PDSS2: variants seen among roughly 807,000 people sequenced by gnomAD.
PDSS2 encodes the protein decaprenyl diphosphate synthase subunit 2, also known as all trans-polyprenyl-diphosphate synthase PDSS2.
PDSS2 carries 31 observed loss-of-function variants against 44.5 expected under a neutral mutation model. The observed-to-expected ratio is 0.70, with a 90% CI of 0.52 to 0.94. The LOEUF (loss-of-function observed/expected upper bound fraction) is 0.94, where lower values mean the gene tolerates loss of function less well. PDSS2 is among the 40% of genes least tolerant of loss of function. The pLI, the probability that PDSS2 is intolerant of heterozygous loss-of-function variation, is 0.00. For synonymous variants in PDSS2, 157 were observed against 180.3 expected (o/e 0.87, Z 1.03); for missense variants, 452 against 482.2 (o/e 0.94, Z 0.59).
At chr6:107,387,503 TAAAG>T (rs1779647436) in intron 1 of PDSS2, among the ~76,000 whole-genome samples, 1 of 152,184 alleles carries the variant, frequency 6.6e-6, no homozygotes, top group East Asian at 1.9e-4. Flanking sequence ...AGAAAAATTT[TAAAG>T]AAAGAAAAGC....
At chr6:107,235,131 C>T (rs1319357622) in intron 4 of PDSS2, among the ~76,000 whole-genome samples, 1 of 152,116 alleles carries the variant, frequency 6.6e-6, no homozygotes, top group African/African-American at 2.4e-5. Flanking sequence ...AGGAAACTAC[C>T]TTTGAGTTGA....
intron 1 of PDSS2, among the ~76,000 whole-genome samples, chr6:107,352,336 T>C (rs1778457621): frequency 6.6e-6 from 1 of 152,222 alleles, no homozygotes; most frequent in African/African-American, 2.4e-5. Context: ...GTTTGGCATT[T>C]ATGGATGAAT....
intron 1 of PDSS2, among the ~76,000 whole-genome samples, chr6:107,433,314 G>A (rs1026703274): frequency 3.3e-5 from 5 of 149,600 alleles, no homozygotes; most frequent in African/African-American, 4.9e-5. Flanking sequence ...AATAGCCAAG[G>A]CCATCCTGAC....
intron 1 of PDSS2, among the ~76,000 whole-genome samples, chr6:107,406,927 A>T (rs1780338861): frequency 6.6e-6 from 1 of 152,186 alleles, no homozygotes; most frequent in Admixed American, 6.5e-5. Context: ...TCTCCAGGGG[A>T]GATTAGAAAG....
At chr6:107,190,639 T>C (rs1218803993) in intron 7 of PDSS2, among the ~76,000 whole-genome samples, 5 of 152,164 alleles carry the variant, frequency 3.3e-5, no homozygotes, top group African/African-American at 1.2e-4. Flanking sequence ...GAGGATTTGC[T>C]ATAGGAGACA....
intron 3 of PDSS2, among the ~76,000 whole-genome samples, chr6:107,261,580 T>TTC (rs1554259941): frequency 0.044 from 5,623 of 128,530 alleles, 140 homozygotes; most frequent in Middle Eastern, 0.15. Context: ...TTTTCTTTCT[T>TTC]TTTTTTTTTT....
intron 6 of PDSS2, among the ~76,000 whole-genome samples, chr6:107,201,389 G>GAAAAAAAAAAAAAAAAAAAAAAAAAAAAA (rs1772766274): frequency 5.8e-5 from 1 of 17,184 alleles, no homozygotes; most frequent in Non-Finnish European, 1.3e-4. Context: ...CCATACAAAA[G>GAAAAAAAAAAAAAAAAAAAAAAAAAAAAA]CAAAAAAAAA....
At chr6:107,346,361 C>T (rs1312283929) in intron 1 of PDSS2, among the ~76,000 whole-genome samples, 1 of 152,160 alleles carries the variant, frequency 6.6e-6, no homozygotes, top group Non-Finnish European at 1.5e-5. Flanking sequence ...TGACAACTGT[C>T]CGTGAGGTGG....
chr6:107,297,567 A>C (rs1300885019), intron 2 of PDSS2, among the ~76,000 whole-genome samples: 1 of 151,428 alleles, frequency 6.6e-6, no homozygotes, highest in African/African-American at 2.4e-5. Flanking sequence ...ATTTTAGTAG[A>C]GACTGGGTTT....
chr6:107,273,982 T>C (rs770608416), intron 3 of PDSS2, 47 bp downstream of exon 3: 6 of 1,494,950 alleles, frequency 4.0e-6, no homozygotes, highest in East Asian at 4.5e-5. Context: ...GCCAACTAAT[T>C]GCTACCTGAA....
rs538523896 is a variant in PDSS2 at position 107,164,629 on chromosome 6, G to A, written c.1042-9852C>T. 3.3e-4 allele frequency among the ~76,000 whole-genome samples: 50 copies of A among 152,260 alleles called. No homozygotes were observed. The South Asian group carries it at 9.7e-3, about 30-fold the overall frequency. On this transcript the variant is annotated intron_variant, in intron 7 of 7. Coordinates refer to ENST00000369037, the MANE Select transcript of PDSS2 (RefSeq NM_020381.4). ...GTGAATAGTGCCGCAATAAACATAC[G>A]TGTGCATGTGTCTTTATAGCAGCAT... is the stretch of plus-strand genomic sequence containing the variant.
chr6:107,399,971 G>GA (rs2114581642), intron 1 of PDSS2, among the ~76,000 whole-genome samples: 1 of 152,212 alleles, frequency 6.6e-6, no homozygotes, highest in South Asian at 2.1e-4. Flanking sequence ...ACACAAAAGT[G>GA]AAAGAAACTT....
At chr6:107,267,968 T>G (rs917018495) in intron 3 of PDSS2, among the ~76,000 whole-genome samples, 1 of 152,140 alleles carries the variant, frequency 6.6e-6, no homozygotes, top group African/African-American at 2.4e-5. Context: ...GAATATAAAT[T>G]AGATATTAAA....
chr6:107,442,651 G>A (rs1030724822), intron 1 of PDSS2, among the ~76,000 whole-genome samples: 22 of 151,940 alleles, frequency 1.4e-4, no homozygotes, highest in African/African-American at 5.1e-4. Context: ...AATACTTCAC[G>A]TTCAACAGGT....
intron 1 of PDSS2, among the ~76,000 whole-genome samples, chr6:107,456,041 G>A (rs966817649): frequency 5.3e-5 from 8 of 152,140 alleles, no homozygotes; most frequent in African/African-American, 1.9e-4. Flanking sequence ...ATGACTGTGA[G>A]GCCCGGCGTG....
intron 7 of PDSS2, among the ~76,000 whole-genome samples, chr6:107,178,767 T>C (rs1443394010): frequency 6.6e-6 from 1 of 152,174 alleles, no homozygotes; most frequent in Admixed American, 6.6e-5. Flanking sequence ...ACATCTGTAA[T>C]CCCAGCACTT....
At chr6:107,326,018 C>T (rs1777532345) in intron 2 of PDSS2, among the ~76,000 whole-genome samples, 1 of 152,082 alleles carries the variant, frequency 6.6e-6, no homozygotes, top group African/African-American at 2.4e-5. Flanking sequence ...ATCAAATAGT[C>T]ATTGCTATCT....
intron 3 of PDSS2, among the ~76,000 whole-genome samples, chr6:107,255,335 G>GCTACCAAGTA (rs1774975666): frequency 6.6e-6 from 1 of 151,480 alleles, no homozygotes; most frequent in Non-Finnish European, 1.5e-5. Flanking sequence ...TGGGATTACA[G>GCTACCAAGTA]GCGTCTGCTA....
chr6:107,200,426 G>A (rs899875518), intron 6 of PDSS2, among the ~76,000 whole-genome samples: 1 of 152,172 alleles, frequency 6.6e-6, no homozygotes, highest in Non-Finnish European at 1.5e-5. Context: ...TGGGTAGCTT[G>A]CGAAAAATGC....
Sources: gnomAD v4.1 joint callset for allele counts (sites outside exome capture counted in the v4.1 genomes callset) on GRCh38, gnomAD v4.1.1 for gene constraint, MANE v1.5 for transcripts, NCBI Gene and HGNC (gene_info 2026-07-23, HGNC 2026-07-21) for gene names.